The following ATP6V1A variants were observed in gnomAD, a reference collection of about 807,000 sequenced individuals.
ATP6V1A encodes ATPase H+ transporting V1 subunit A, also known as V-type proton ATPase catalytic subunit A.
A neutral mutation model predicts 70.1 loss-of-function variants in ATP6V1A; 18 were observed. That is an observed-to-expected ratio of 0.26 (90% CI 0.18 to 0.38). The LOEUF (loss-of-function observed/expected upper bound fraction) is 0.38, where lower values mean the gene tolerates loss of function less well. Among genes scored for constraint, ATP6V1A ranks in the 10% least tolerant of loss-of-function variants. The probability of loss-of-function intolerance (pLI) is 1.00; values close to 1 mark genes in which losing one functional copy is unlikely to be tolerated. For missense variants in ATP6V1A, 424 were observed against 772.4 expected (o/e 0.55, Z 5.35); for synonymous variants, 232 against 253.8 (o/e 0.91, Z 0.82).
In ATP6V1A at chr3:113,798,096, G is replaced by A. The variant is rs1709173231; in HGVS notation, c.1291-147G>A. 3 of 738,378 alleles carry A rather than the reference G, an allele frequency of 4.1e-6. No individual in the cohort carries two copies. In the South Asian group the frequency reaches 5.3e-5, roughly 13 times the overall value. 45.7% of individuals were successfully genotyped at this position (738,378 alleles called of 1,614,324 possible). A position where few individuals can be genotyped will look rare whatever the true frequency, so the allele number is the denominator to read the frequency against. ...TGTAGTGAGCCGAGATCATGCCACT[G>A]CACTCCAGCCTGGGTGACAGAGCAA... On this transcript the variant is annotated intron_variant, in intron 11 of 14. Transcript: ENST00000273398.
At chr3:113,795,332 G>T in intron 10 of ATP6V1A, 128 bp downstream of exon 10, 1 of 1,014,058 alleles carries the variant, frequency 9.9e-7, no homozygotes, top group Non-Finnish European at 1.4e-6. Context: ...CTTAAGGAGG[G>T]TTGCACTCCA....
chr3:113,763,098 C>CT (rs548896926), intron 1 of ATP6V1A, among the ~76,000 whole-genome samples: 1,841 of 148,660 alleles, frequency 0.012, 23 homozygotes, highest in South Asian at 0.064. Flanking sequence ...TCCATTTATT[C>CT]TTTTTTTTTT....
intron 5 of ATP6V1A, among the ~76,000 whole-genome samples, chr3:113,785,869 T>C: frequency 6.7e-6 from 1 of 149,166 alleles, no homozygotes; most frequent in South Asian, 2.1e-4. Context: ...TCTTTCTTTT[T>C]TTTTTTTTTT....
At chr3:113,807,959 C>G (rs935994389) in intron 14 of ATP6V1A, among the ~76,000 whole-genome samples, 1 of 151,756 alleles carries the variant, frequency 6.6e-6, no homozygotes, top group South Asian at 2.1e-4. Context: ...GGAGAAACCC[C>G]GTCTCTACTA....
chr3:113,795,520 A>G lies in ATP6V1A; in HGVS notation c.1226+316A>G, dbSNP rs144301101. ...TGAGATTGCATCACGGTAAAAAGAA[A>G]GTGAAGATTCGTGATCACTACATAA... On this transcript the variant is annotated intron_variant, in intron 10 of 14. Transcript: ENST00000273398. 8.7e-3 allele frequency among the ~76,000 whole-genome samples: 1,328 copies of G among 151,944 alleles called. 14 individuals carry two copies. The highest frequency in any genetic ancestry group is 0.029 in the African/African-American group (1,185 of 41,538).
chr3:113,757,872 C>G (rs774996319), intron 1 of ATP6V1A, among the ~76,000 whole-genome samples: 30 of 152,134 alleles, frequency 2.0e-4, no homozygotes, highest in Non-Finnish European at 3.5e-4. Flanking sequence ...TTGGCTGGGC[C>G]TGGTGGCTCA....
chr3:113,800,430 G>A (rs1339434773), intron 12 of ATP6V1A, among the ~76,000 whole-genome samples: 2 of 152,038 alleles, frequency 1.3e-5, no homozygotes, highest in Admixed American at 6.6e-5. Flanking sequence ...ACAGACCAGC[G>A]GACCAGTGGA....
chr3:113,778,702 T>A (rs1238700803), intron 1 of ATP6V1A, 39 bp from the exon 2 acceptor site: 1 of 1,309,942 alleles, frequency 7.6e-7, no homozygotes, highest in African/African-American at 1.5e-5. Context: ...TGCTTTACGG[T>A]TTATAATTAT....
chr3:113,770,157 T>C (rs1169816591), intron 1 of ATP6V1A, among the ~76,000 whole-genome samples: 1 of 152,050 alleles, frequency 6.6e-6, no homozygotes, highest in African/African-American at 2.4e-5. Context: ...CAAGCATTTC[T>C]CCTCCTCCAG....
intron 8 of ATP6V1A, among the ~76,000 whole-genome samples, chr3:113,792,207 T>C (rs1339673231): frequency 6.6e-6 from 1 of 152,248 alleles, no homozygotes; most frequent in Non-Finnish European, 1.5e-5. Context: ...TATATCATAA[T>C]CAATTTAACT....
intron 1 of ATP6V1A, among the ~76,000 whole-genome samples, chr3:113,751,564 T>C (rs888954773): frequency 6.6e-6 from 1 of 151,860 alleles, no homozygotes; most frequent in Non-Finnish European, 1.5e-5. Context: ...GCAATAAAAA[T>C]GTTTTCCATA....
chr3:113,797,869 G>T (rs1709170363), intron 11 of ATP6V1A, among the ~76,000 whole-genome samples: 1 of 152,132 alleles, frequency 6.6e-6, no homozygotes. Context: ...GTCAGGCATG[G>T]TGGCTCATGC....
In ATP6V1A at chr3:113,800,787, A is replaced by T. The variant is rs183204305; in HGVS notation, c.1494+2341A>T. Among the ~76,000 whole-genome samples the T allele has an allele frequency of 2.0e-5, 3 of 152,218 alleles. No homozygotes were observed. In the East Asian group the frequency reaches 5.8e-4, roughly 29 times the overall value. Reference sequence around the variant, plus strand: ...TTGATTACATAAAAAGTAAGCATTTATGTTTAGCAAAGGCCTACCCTGGTT... The same window carrying T: ...TTGATTACATAAAAAGTAAGCATTTTTGTTTAGCAAAGGCCTACCCTGGTT... On this transcript the variant is annotated intron_variant, in intron 12 of 14. Transcript: ENST00000273398.
chr3:113,747,614 C>T (rs1310764588), intron 1 of ATP6V1A, among the ~76,000 whole-genome samples: 2 of 152,130 alleles, frequency 1.3e-5, no homozygotes, highest in African/African-American at 2.4e-5. Flanking sequence ...AGCTTCCCTC[C>T]GAATGTGCTT....
intron 2 of ATP6V1A, 138 bp from the exon 3 acceptor site, chr3:113,780,912 T>C: frequency 7.5e-7 from 1 of 1,331,612 alleles, no homozygotes. Flanking sequence ...ACCAGTATGT[T>C]CCATAGTAGG....
intron 1 of ATP6V1A, among the ~76,000 whole-genome samples, chr3:113,752,351 A>G (rs1466990810): frequency 4.6e-5 from 7 of 151,868 alleles, no homozygotes; most frequent in African/African-American, 1.2e-4. Context: ...GAGCATATGT[A>G]TAATAATAAT....
At chr3:113,799,281 T>C (rs1709184600) in intron 12 of ATP6V1A, among the ~76,000 whole-genome samples, 1 of 152,180 alleles carries the variant, frequency 6.6e-6, no homozygotes, top group South Asian at 2.1e-4. Flanking sequence ...GGAATGTCCA[T>C]ATTAGACACA....
At chr3:113,758,421 C>G (rs1237036101) in intron 1 of ATP6V1A, among the ~76,000 whole-genome samples, 1 of 152,172 alleles carries the variant, frequency 6.6e-6, no homozygotes, top group Admixed American at 6.5e-5. Context: ...CTTTTTAATC[C>G]TGTCCTTCCA....
chr3:113,782,597 T>C (rs1450927748), intron 3 of ATP6V1A, among the ~76,000 whole-genome samples: 7 of 147,354 alleles, frequency 4.8e-5, no homozygotes, highest in African/African-American at 1.7e-4. Flanking sequence ...CATATATATA[T>C]ATATACATAT....
Sources: allele counts gnomAD v4.1 joint callset (sites outside exome capture counted in the v4.1 genomes callset), GRCh38; gene constraint gnomAD v4.1.1; transcripts MANE v1.5; gene names NCBI Gene and HGNC (gene_info 2026-07-23, HGNC 2026-07-21).